Variants in ROBO2 observed in about 807,000 individuals in gnomAD.
ROBO2 encodes roundabout guidance receptor 2.
In ROBO2, 53 loss-of-function variants were observed where a neutral mutation model predicts 160.8. The ratio of observed to expected loss-of-function variants is 0.33; its 90% CI spans 0.26 to 0.41. ROBO2 has a LOEUF of 0.41. Ranked by LOEUF, ROBO2 falls within the 10% of genes least tolerant of loss-of-function variation. The pLI, the probability that ROBO2 is intolerant of heterozygous loss-of-function variation, is 1.00. For missense variants in ROBO2, 1,577 were observed against 1,722.4 expected (o/e 0.92, Z 1.49); for synonymous variants, 664 against 611.7 (o/e 1.09, Z -1.26).
At chr3:76,399,183 T>C (rs549714734) in intron 2 of ROBO2, among the ~76,000 whole-genome samples, 1 of 151,824 alleles carries the variant, frequency 6.6e-6, no homozygotes, top group South Asian at 2.1e-4. Context: ...TATTGTTGAA[T>C]TTGTATTTTT....
Position 76,272,461 on chromosome 3 carries a change from G to A in ROBO2, c.109+334859G>A, listed in dbSNP as rs377736600. Among the ~76,000 whole-genome samples, 25 of 151,500 alleles carry A rather than the reference G, an allele frequency of 1.7e-4. No individual in the cohort carries two copies. In the East Asian group the frequency reaches 2.7e-3, roughly 17 times the overall value. On this transcript the variant is annotated intron_variant, in intron 2 of 26. Transcript: ENST00000487694. The stretch of plus-strand genomic sequence containing the variant: ...GGGTGGATCATGAGGTCAAGAGGTC[G>A]AGACCAGCCTGGCTAACATGGTGAA...
intron 2 of ROBO2, among the ~76,000 whole-genome samples, chr3:77,010,317 C>G (rs2061807174): frequency 6.6e-6 from 1 of 152,162 alleles, no homozygotes; most frequent in Admixed American, 6.5e-5. Flanking sequence ...TGGACTGTTA[C>G]AATAGTTTTA....
chr3:76,198,740 T>C (rs4856015), intron 2 of ROBO2, among the ~76,000 whole-genome samples: 148,469 of 152,238 alleles, frequency 0.98, 72,509 homozygotes, highest in East Asian at 1. Context: ...CTTATCTTAA[T>C]CCAGACACTC....
In ROBO2 at chr3:77,235,887, G is replaced by A. The variant is rs140961452; in HGVS notation, c.388+137547G>A. On this transcript the variant is annotated intron_variant, in intron 2 of 25. Transcript: ENST00000461745. ...CTCACTATCAACATCCCACACTGACGTGGTACATTTGTTACAACTGATGGA... is the reference window on the plus strand; with the variant it reads ...CTCACTATCAACATCCCACACTGACATGGTACATTTGTTACAACTGATGGA... Among the ~76,000 whole-genome samples, 317 of 152,276 alleles carry A rather than the reference G, an allele frequency of 2.1e-3. 1 individual carries two copies. The highest frequency in any genetic ancestry group is 7.2e-3 in the African/African-American group (301 of 41,552).
rs60937023 is a variant in ROBO2 at position 77,388,141 on chromosome 3, T to TACACAC, written c.389-89247_389-89242dup. On this transcript the variant is annotated intron_variant, in intron 2 of 25. Coordinates refer to ENST00000461745, the Ensembl canonical transcript of ROBO2. ...AACTCCATTCTCATAGATTCACACA[T>TACACAC]ACACACACACACACACACACACACA... is the stretch of plus-strand genomic sequence containing the variant. Among the ~76,000 whole-genome samples the TACACAC allele has an allele frequency of 5.4e-5, 8 of 147,024 alleles. No homozygotes were observed. The East Asian group carries it at 6.0e-4, about 11-fold the overall frequency.
At chr3:76,594,653 A>C (rs2086627635) in intron 2 of ROBO2, among the ~76,000 whole-genome samples, 1 of 152,010 alleles carries the variant, frequency 6.6e-6, no homozygotes, top group Non-Finnish European at 1.5e-5. Flanking sequence ...ATTAGAACGT[A>C]AACTAAATGA....
intron 2 of ROBO2, among the ~76,000 whole-genome samples, chr3:76,216,206 A>C (rs989535288): frequency 6.6e-6 from 1 of 152,336 alleles, no homozygotes; most frequent in East Asian, 1.9e-4. Context: ...CTACAAAAAC[A>C]TGCCAAATTG....
Position 76,510,560 on chromosome 3 carries a change from C to A in ROBO2, c.109+572958C>A, listed in dbSNP as rs919766833. On this transcript the variant is annotated intron_variant, in intron 2 of 26. Transcript: ENST00000487694. ...CCAACATGGCAAAATCCCATCTCTA[C>A]CAAAAATGCACAAATTAGCCAGATG... Among the ~76,000 whole-genome samples, 37 of 152,086 alleles carry A rather than the reference C, an allele frequency of 2.4e-4. 1 individual carries two copies. The highest frequency in any genetic ancestry group is 4.4e-4 in the Non-Finnish European group (30 of 67,936).
chr3:76,607,690 ATT>A (rs1411061682), intron 2 of ROBO2, among the ~76,000 whole-genome samples: 2 of 152,150 alleles, frequency 1.3e-5, no homozygotes, highest in African/African-American at 4.8e-5. Flanking sequence ...TAGAAAAAAA[ATT>A]TTGTGTTTTT....
rs1050762159 is a variant in ROBO2, at chr3:77,373,210, A to C, written c.389-104204A>C. On this transcript the variant is annotated intron_variant, in intron 2 of 25. Transcript: ENST00000461745. ...TTTTAAAATTATTATATAATAAAAT[A>C]ATTAAAATATTACAATAAAATAAAG... 7.4e-5 allele frequency among the ~76,000 whole-genome samples: 11 copies of C among 148,216 alleles called. No individual in the cohort carries two copies. The East Asian group carries it at 2.1e-3, about 29-fold the overall frequency.
intron 2 of ROBO2, among the ~76,000 whole-genome samples, chr3:75,939,527 CT>C (rs948497029): frequency 3.1e-4 from 47 of 152,126 alleles, no homozygotes; most frequent in African/African-American, 1.1e-3. Context: ...AATTTGTTTT[CT>C]TTCTAAAAGG....
rs141129207 is a variant in ROBO2 at position 76,030,406 on chromosome 3, G to A, written c.109+92804G>A. Among the ~76,000 whole-genome samples the A allele has an allele frequency of 4.1e-3, 624 of 152,136 alleles. 2 individuals are homozygous for A. The highest frequency in any genetic ancestry group is 7.5e-3 in the Non-Finnish European group (513 of 67,964). ...TTCATCTATCTTGGCTTTTGATGCCGTTGCTTTTGGTGTTTTAGTCATGAA... is the reference window on the plus strand; with the variant it reads ...TTCATCTATCTTGGCTTTTGATGCCATTGCTTTTGGTGTTTTAGTCATGAA... On this transcript the variant is annotated intron_variant, in intron 2 of 26. Coordinates refer to the ROBO2 transcript ENST00000487694.
intron 1 of ROBO2, among the ~76,000 whole-genome samples, chr3:77,058,819 C>T (rs996541745): frequency 2.6e-5 from 4 of 151,908 alleles, no homozygotes; most frequent in Admixed American, 6.6e-5. Context: ...ATTACAGAGG[C>T]AAGCCGCCAC....
At chr3:76,233,005 C>T (rs1704714270) in intron 2 of ROBO2, among the ~76,000 whole-genome samples, 1 of 152,142 alleles carries the variant, frequency 6.6e-6, no homozygotes, top group Non-Finnish European at 1.5e-5. Context: ...CTTTCTAAAC[C>T]TTCTTGAAAA....
intron 2 of ROBO2, among the ~76,000 whole-genome samples, chr3:76,293,914 C>T (rs1708935485): frequency 6.6e-6 from 1 of 152,206 alleles, no homozygotes; most frequent in Non-Finnish European, 1.5e-5. Flanking sequence ...TGCCACCATT[C>T]ACGGCACCCA....
At chr3:77,346,948 C>T (rs1328220514) in intron 2 of ROBO2, among the ~76,000 whole-genome samples, 1 of 152,132 alleles carries the variant, frequency 6.6e-6, no homozygotes, top group Non-Finnish European at 1.5e-5. Context: ...AGGAAATCTT[C>T]TTATTTTAAG....
intron 2 of ROBO2, among the ~76,000 whole-genome samples, chr3:76,700,654 C>A (rs956658837): frequency 6.6e-6 from 1 of 152,116 alleles, no homozygotes; most frequent in African/African-American, 2.4e-5. Flanking sequence ...CCTTTGAGGA[C>A]GTTCTTGACT....
intron 2 of ROBO2, among the ~76,000 whole-genome samples, chr3:76,198,085 G>A (rs1377022816): frequency 6.6e-6 from 1 of 152,094 alleles, no homozygotes; most frequent in Non-Finnish European, 1.5e-5. Context: ...GTTTTCCAAA[G>A]AAACCAGAAA....
chr3:77,611,171 G>A (rs1187349705), intron 21 of ROBO2, among the ~76,000 whole-genome samples: 3 of 151,898 alleles, frequency 2.0e-5, no homozygotes, highest in African/African-American at 4.8e-5. Context: ...GGTGGCGGCC[G>A]CCTGTAGTCC....
Sources: gnomAD v4.1 joint callset for allele counts (sites outside exome capture counted in the v4.1 genomes callset) on GRCh38, gnomAD v4.1.1 for gene constraint, MANE v1.5 for transcripts, NCBI Gene and HGNC (gene_info 2026-07-23, HGNC 2026-07-21) for gene names.